DNAH12: variants seen among roughly 807,000 people sequenced by gnomAD.
The protein encoded by DNAH12 is axonemal beta dynein heavy chain 12.
DNAH12 carries 285 observed loss-of-function variants against 371.5 expected under a neutral mutation model. That is an observed-to-expected ratio of 0.77 (90% CI 0.70 to 0.85). The LOEUF is 0.85. Ranked by LOEUF, DNAH12 falls within the 40% of genes least tolerant of loss-of-function variation. The pLI is 0.00. For synonymous variants in DNAH12, 1,200 were observed against 1,213.0 expected, an observed-to-expected ratio of 0.99 and a Z score of 0.22; for missense variants, 3,611 against 3,689.4, an observed-to-expected ratio of 0.98 and a Z score of 0.55.
Position 57,446,625 on chromosome 3 carries a change from T to G in DNAH12, c.3851A>C (p.Glu1284Ala). The change falls in exon 26 of 74, where the codon GAA (glutamate) becomes GCA (alanine). Residue 1284 changes from glutamate (E) to alanine (A), a missense_variant. Transcript: ENST00000495027. The stretch of plus-strand genomic sequence containing the variant: ...AGCTTTAGCCAAGTCCTTGGTGGTT[T>G]CGGTTTTTCCTGTGCCTGCTGGCCC... Reference protein sequence around the residue: ...PEGPAGTGKTETTKDLAKALA... With the variant: ...PEGPAGTGKTATTKDLAKALA... 1.3e-6 allele frequency: 2 copies of G among 1,550,476 alleles called. No homozygotes were observed. The highest frequency in any genetic ancestry group is 1.7e-6 in the Non-Finnish European group (2 of 1,146,258).
At chr3:57,547,209 TATATAGATATAGATATAG>T (rs10569241), upstream of DNAH12, among the ~76,000 whole-genome samples, 1 of 149,794 alleles carries the variant, frequency 6.7e-6, no homozygotes, top group Non-Finnish European at 1.5e-5. Context: ...CACACACACA[TATATAGATATAGATATAG>T]ATATAGATAT....
chr3:57,401,029 G>T (rs1459034307), intron 43 of DNAH12, among the ~76,000 whole-genome samples: 1 of 151,818 alleles, frequency 6.6e-6, no homozygotes, highest in Non-Finnish European at 1.5e-5. Context: ...TGATCACAAT[G>T]GTACAAAACT....
chr3:57,508,615 A>T, intron 6 of DNAH12, 75 bp from the exon 7 acceptor site: 1 of 1,494,996 alleles, frequency 6.7e-7, no homozygotes, highest in Middle Eastern at 1.8e-4. Flanking sequence ...TGCTTATAAC[A>T]TGAAATTAGT....
rs758378659 is a variant in DNAH12, at chr3:57,458,081, A to G, written c.3053+18T>C. On this transcript the variant is annotated intron_variant, in intron 21 of 73. Transcript: ENST00000495027. ...AGAAAATGTTTTTAATTACAGCACA[A>G]TTGATTATTTATCATACCGAGGGAA... 5 of 1,541,006 alleles carry G rather than the reference A, an allele frequency of 3.2e-6. No homozygotes were observed. The highest frequency in any genetic ancestry group is 2.4e-5 in the South Asian group (2 of 81,650).
intron 2 of DNAH12, among the ~76,000 whole-genome samples, chr3:57,529,315 A>G (rs1031401669): frequency 1.3e-5 from 2 of 152,118 alleles, no homozygotes; most frequent in African/African-American, 4.8e-5. Flanking sequence ...TAGCATTGGT[A>G]TTAGTTCCTC....
chr3:57,389,231 G>GAAA (rs36159319), intron 45 of DNAH12, among the ~76,000 whole-genome samples: 10,306 of 143,000 alleles, frequency 0.072, 621 homozygotes, highest in African/African-American at 0.17. Flanking sequence ...AGGTCCACAG[G>GAAA]AAAAAAAAAA....
At chr3:57,330,093 G>C (rs2062057171) in intron 62 of DNAH12, among the ~76,000 whole-genome samples, 1 of 151,832 alleles carries the variant, frequency 6.6e-6, no homozygotes, top group Non-Finnish European at 1.5e-5. Flanking sequence ...GGAGAAATAG[G>C]AACACTTTTA....
At chr3:57,472,354 T>A (rs919553764) in intron 14 of DNAH12, among the ~76,000 whole-genome samples, 192 bp downstream of exon 14, 2 of 152,198 alleles carry the variant, frequency 1.3e-5, no homozygotes, top group African/African-American at 4.8e-5. Context: ...GCCCCACTAC[T>A]TACCAGACCT....
chr3:57,362,662 C>T (rs1182854596), intron 58 of DNAH12, among the ~76,000 whole-genome samples: 3 of 152,136 alleles, frequency 2.0e-5, no homozygotes, highest in Non-Finnish European at 4.4e-5. Flanking sequence ...GCATAAATGT[C>T]TTCTTTTGAG....
chr3:57,495,396 TA>T (rs2067274983), intron 11 of DNAH12, among the ~76,000 whole-genome samples: 1 of 148,246 alleles, frequency 6.7e-6, no homozygotes, highest in South Asian at 2.1e-4. Flanking sequence ...CCATGGCTAC[TA>T]AAAATACAAA....
Position 57,405,635 on chromosome 3 carries a change from C to G in DNAH12, c.6576+18G>C. Reference sequence around the variant, plus strand: ...TGGTACTGCTTTAACTCAATATGTTCTTAATCGCCATACTCACTGGTGCAT... The same window carrying G: ...TGGTACTGCTTTAACTCAATATGTTGTTAATCGCCATACTCACTGGTGCAT... On this transcript the variant is annotated intron_variant, in intron 41 of 73. Coordinates refer to ENST00000495027, the MANE Select transcript of DNAH12 (RefSeq NM_001366028.2). The G allele has an allele frequency of 6.5e-7, 1 of 1,545,310 alleles. No homozygotes were observed. The highest frequency in any genetic ancestry group is 8.7e-7 in the Non-Finnish European group (1 of 1,143,284).
chr3:57,369,022 C>A (rs1228806787), intron 55 of DNAH12, among the ~76,000 whole-genome samples: 1 of 151,584 alleles, frequency 6.6e-6, no homozygotes, highest in African/African-American at 2.4e-5. Context: ...GCCTGGCCAA[C>A]ATGGTGAAAG....
At chr3:57,450,515 T>C (rs1181160610) in intron 25 of DNAH12, among the ~76,000 whole-genome samples, 1 of 152,198 alleles carries the variant, frequency 6.6e-6, no homozygotes, top group Non-Finnish European at 1.5e-5. Flanking sequence ...ACCATTGCAC[T>C]CTAGCCTGGG....
intron 32 of DNAH12, among the ~76,000 whole-genome samples, chr3:57,433,020 T>C (rs2065001719): frequency 6.6e-6 from 1 of 152,164 alleles, no homozygotes; most frequent in African/African-American, 2.4e-5. Context: ...ATTCCATGTT[T>C]TCAAAAGGAA....
intron 70 of DNAH12, chr3:57,297,410 C>A: frequency 5.8e-6 from 1 of 171,462 alleles, no homozygotes; most frequent in Non-Finnish European, 1.2e-5. Context: ...GGCTGGAGTG[C>A]AGTGGCATGA....
At chr3:57,419,174 T>C (rs2064486354) in intron 37 of DNAH12, among the ~76,000 whole-genome samples, 193 bp downstream of exon 37, 1 of 152,190 alleles carries the variant, frequency 6.6e-6, no homozygotes, top group African/African-American at 2.4e-5. Context: ...GGCAAGGGCT[T>C]TGGAGTGGGC....
intron 17 of DNAH12, among the ~76,000 whole-genome samples, chr3:57,463,501 T>C (rs1454577232): frequency 1.3e-5 from 2 of 152,018 alleles, no homozygotes; most frequent in African/African-American, 2.4e-5. Context: ...CCTGGCCCCC[T>C]ATTTTATTTT....
intron 11 of DNAH12, among the ~76,000 whole-genome samples, chr3:57,494,465 G>C (rs1054904754): frequency 6.6e-6 from 1 of 152,060 alleles, no homozygotes; most frequent in Non-Finnish European, 1.5e-5. Context: ...GGGAGGCTAA[G>C]GTGGGAGGAT....
intron 2 of DNAH12, among the ~76,000 whole-genome samples, chr3:57,535,840 A>ATTTT (rs11392001): frequency 3.8e-5 from 5 of 131,228 alleles, no homozygotes; most frequent in Admixed American, 8.3e-5. Context: ...CCACACCCCA[A>ATTTT]TTTTTTTTTT....
Sources: allele counts gnomAD v4.1 joint callset (sites outside exome capture counted in the v4.1 genomes callset), GRCh38; gene constraint gnomAD v4.1.1; transcripts MANE v1.5; gene names NCBI Gene and HGNC (gene_info 2026-07-23, HGNC 2026-07-21).